The following KLHL29 variants were observed in gnomAD, a reference collection of about 807,000 sequenced individuals.
KLHL29 encodes kelch like family member 29.
A neutral mutation model predicts 80.4 loss-of-function variants in KLHL29; 21 were observed. The observed-to-expected ratio is 0.26, with a 90% CI of 0.19 to 0.38. The LOEUF is 0.38. KLHL29 is among the 10% of genes least tolerant of loss of function. The pLI, the probability that KLHL29 is intolerant of heterozygous loss-of-function variation, is 1.00. For synonymous variants in KLHL29, 511 were observed against 526.8 expected, an observed-to-expected ratio of 0.97 and a Z score of 0.41; for missense variants, 867 against 1,223.9, an observed-to-expected ratio of 0.71 and a Z score of 4.35.
chr2:23,393,423 C>T (rs1666369775), intron 1 of KLHL29, among the ~76,000 whole-genome samples: 1 of 152,212 alleles, frequency 6.6e-6, no homozygotes, highest in Non-Finnish European at 1.5e-5. Flanking sequence ...GTTGCAGTGA[C>T]AACCTGGGTC....
intron 2 of KLHL29, among the ~76,000 whole-genome samples, chr2:23,504,465 A>C (rs1474186432): frequency 6.6e-6 from 1 of 152,106 alleles, no homozygotes; most frequent in East Asian, 1.9e-4. Flanking sequence ...GCAAGGCCTC[A>C]CCTCTGGGCA....
At chr2:23,472,458 A>C (rs1177018730) in intron 1 of KLHL29, among the ~76,000 whole-genome samples, 1 of 152,022 alleles carries the variant, frequency 6.6e-6, no homozygotes, top group Non-Finnish European at 1.5e-5. Flanking sequence ...ACATGATGAA[A>C]CCCTGTCTCT....
At chr2:23,572,707 T>C (rs963293964) in intron 3 of KLHL29, among the ~76,000 whole-genome samples, 1 of 151,386 alleles carries the variant, frequency 6.6e-6, no homozygotes, top group Non-Finnish European at 1.5e-5. Context: ...TTTCTTTTTT[T>C]TTTTTTTTTT....
In KLHL29 at chr2:23,647,778, C is replaced by T. The variant is rs1669979228; in HGVS notation, c.940+4928C>T. Among the ~76,000 whole-genome samples the T allele has an allele frequency of 6.6e-6, 1 of 152,056 alleles. No homozygotes were observed. The highest frequency in any genetic ancestry group is 1.5e-5 in the Non-Finnish European group (1 of 68,006). ...TTTGCTGTTCTGCTTGCAGGCTGCC[C>T]CGTAACCACCCCAGGCCTTGGCTCT... is the stretch of plus-strand genomic sequence containing the variant. On this transcript the variant is annotated intron_variant, in intron 5 of 13. Coordinates refer to ENST00000486442, the MANE Select transcript of KLHL29 (RefSeq NM_052920.2). The surrounding 1 kb of genome is among the most constrained non-coding windows in gnomAD (Gnocchi z 4.9).
chr2:23,556,283 G>A (rs184893086), intron 2 of KLHL29, among the ~76,000 whole-genome samples: 8 of 152,238 alleles, frequency 5.3e-5, no homozygotes, highest in African/African-American at 1.7e-4. Context: ...AGACTGCTAC[G>A]AAGATGACCC....
chr2:23,670,294 A>C (rs528028720), intron 5 of KLHL29: 46 of 152,310 alleles, frequency 3.0e-4, no homozygotes, highest in African/African-American at 1.1e-3. Flanking sequence ...GGGGGTTGGG[A>C]GGACGGGGGT....
chr2:23,581,719 T>G (rs1466261992), intron 3 of KLHL29, among the ~76,000 whole-genome samples: 1 of 148,142 alleles, frequency 6.8e-6, no homozygotes, highest in Non-Finnish European at 1.5e-5. Context: ...TCCCAGCTAC[T>G]TGGGAGGCTG....
At chr2:23,588,210 G>A (rs1009449236) in intron 3 of KLHL29, among the ~76,000 whole-genome samples, 6 of 152,122 alleles carry the variant, frequency 3.9e-5, no homozygotes, top group African/African-American at 7.2e-5. Context: ...CACCCAGCCC[G>A]GCATGAAGCT....
intron 5 of KLHL29, among the ~76,000 whole-genome samples, chr2:23,683,924 G>A (rs897118396): frequency 6.6e-6 from 1 of 152,202 alleles, no homozygotes; most frequent in Non-Finnish European, 1.5e-5. Flanking sequence ...TGTTTTTGCA[G>A]GTTTTGTGGT....
chr2:23,696,253 T>A lies in KLHL29; in HGVS notation c.1925-80T>A. The A allele has an allele frequency of 6.7e-7, 1 of 1,492,398 alleles. No individual in the cohort carries two copies. Among genetic ancestry groups the A allele is most frequent in the Admixed American group, 2.0e-5 (1 of 49,748 alleles). The allele number at this position is 1,492,398 out of a possible 1,614,324, so 92.4% of individuals were successfully genotyped here. On this transcript the variant is annotated intron_variant, in intron 10 of 13. Coordinates refer to ENST00000486442, the MANE Select transcript of KLHL29 (RefSeq NM_052920.2). This position sits in a 1 kb window ranked among gnomAD's most constrained non-coding sequence, Gnocchi z 5.5. ...GTCTACTTTGCAGGTGAAGCCTTCC[T>A]CTGCCCCTGGGGCTGGGCCTGCTGA...
intron 3 of KLHL29, among the ~76,000 whole-genome samples, chr2:23,572,533 C>T (rs1195708078): frequency 6.6e-6 from 1 of 152,160 alleles, no homozygotes; most frequent in Non-Finnish European, 1.5e-5. Context: ...TCTATAGAGG[C>T]TCTCAATATG....
At chr2:23,618,886 A>T (rs942080949) in intron 3 of KLHL29, among the ~76,000 whole-genome samples, 2 of 152,218 alleles carry the variant, frequency 1.3e-5, no homozygotes, top group African/African-American at 2.4e-5. Flanking sequence ...TTTGGAAGGA[A>T]GCCAGAGAAA....
rs1671881259 is a variant in KLHL29, at chr2:23,695,295, G to T, written c.1543-328G>T. Among the ~76,000 whole-genome samples, 1 of 152,118 alleles carries T rather than the reference G, an allele frequency of 6.6e-6. No individual in the cohort carries two copies. The highest frequency in any genetic ancestry group is 2.4e-5 in the African/African-American group (1 of 41,408). On this transcript the variant is annotated intron_variant, in intron 8 of 13. Coordinates refer to ENST00000486442, the MANE Select transcript of KLHL29 (RefSeq NM_052920.2). This position sits in a 1 kb window ranked among gnomAD's most constrained non-coding sequence, Gnocchi z 7.6. Reference sequence around the variant, plus strand: ...TTTTAACCCCTCGCCCCTGCCCCCAGTGGCCTGATCTGCAGCAGGGGTCCA... The same window carrying T: ...TTTTAACCCCTCGCCCCTGCCCCCATTGGCCTGATCTGCAGCAGGGGTCCA...
At chr2:23,468,540 A>T (rs1572339846) in intron 1 of KLHL29, among the ~76,000 whole-genome samples, 1 of 152,020 alleles carries the variant, frequency 6.6e-6, no homozygotes, top group African/African-American at 2.4e-5. Context: ...TTCAAGAGAC[A>T]CCGCCCCCCT....
Position 23,676,417 on chromosome 2 carries a change from C to A in KLHL29, c.941-7982C>A, listed in dbSNP as rs188060102. On this transcript the variant is annotated intron_variant, in intron 5 of 13. Transcript: ENST00000486442. Reference sequence around the variant, plus strand: ...CAGGATGGTCTTGATCTCCTGACCTCGTGATCTGCCCGCCTCAGCCTCCCA... The same window carrying A: ...CAGGATGGTCTTGATCTCCTGACCTAGTGATCTGCCCGCCTCAGCCTCCCA... 2.7e-3 allele frequency among the ~76,000 whole-genome samples: 408 copies of A among 152,256 alleles called. 2 individuals carry two copies. Among genetic ancestry groups the A allele is most frequent in the Middle Eastern group, 0.024 (7 of 294 alleles).
At chr2:23,474,229 C>G (rs1452458526) in intron 1 of KLHL29, among the ~76,000 whole-genome samples, 1 of 152,192 alleles carries the variant, frequency 6.6e-6, no homozygotes, top group African/African-American at 2.4e-5. Context: ...CTTGAACATA[C>G]TGCCTGACAC....
At chr2:23,617,492 A>G (rs1669050616) in intron 3 of KLHL29, 1 of 152,240 alleles carries the variant, frequency 6.6e-6, no homozygotes, top group African/African-American at 2.4e-5. Context: ...CAGCAGTATT[A>G]TTTTCAGGGA....
intron 5 of KLHL29, among the ~76,000 whole-genome samples, chr2:23,665,385 C>T (rs1670526003): frequency 6.6e-6 from 1 of 152,176 alleles, no homozygotes; most frequent in South Asian, 2.1e-4. Context: ...ACTTCTGGTG[C>T]CCAATGGGAC....
At chr2:23,666,264 C>A (rs7586023) in intron 5 of KLHL29, among the ~76,000 whole-genome samples, 4 of 152,020 alleles carry the variant, frequency 2.6e-5, no homozygotes, top group Non-Finnish European at 4.4e-5. Context: ...TTGCGTGTGC[C>A]TTTTCCAAGG....
Sources: allele counts gnomAD v4.1 joint callset (sites outside exome capture counted in the v4.1 genomes callset), GRCh38; gene constraint gnomAD v4.1.1; non-coding constraint Gnocchi (gnomAD v3.1); transcripts MANE v1.5; gene names NCBI Gene and HGNC (gene_info 2026-07-23, HGNC 2026-07-21).